NAA11: variants seen among roughly 807,000 people sequenced by gnomAD.
NAA11 encodes N-alpha-acetyltransferase 11.
Under a neutral mutation model 16.1 loss-of-function variants are expected in NAA11, and 15 were observed. The observed-to-expected ratio is 0.93, with a 90% confidence interval of 0.62 to 1.44. The LOEUF is 1.44. Ranked by LOEUF, NAA11 falls within the 40% of genes most tolerant of loss-of-function variation. NAA11 has a pLI of 0.00. For synonymous variants in NAA11, 122 were observed against 112.4 expected, an observed-to-expected ratio of 1.09 and a Z score of -0.54; for missense variants, 298 against 291.3, an observed-to-expected ratio of 1.02 and a Z score of -0.17.
At chr4:79,309,699 G>C (rs1181991013) in intron 1 of NAA11, among the ~76,000 whole-genome samples, 1 of 139,470 alleles carries the variant, frequency 7.2e-6, no homozygotes. Context: ...TATTCTATTG[G>C]TGTTTTTTTT....
intron 1 of NAA11, among the ~76,000 whole-genome samples, chr4:79,320,551 A>T (rs1297838863): frequency 2.6e-5 from 4 of 152,216 alleles, no homozygotes; most frequent in Admixed American, 2.0e-4. Flanking sequence ...CTCAACCACA[A>T]AATGGAGTAA....
At chr4:79,275,521 CA>C (rs1243781083) in intron 2 of NAA11, among the ~76,000 whole-genome samples, 1 of 151,978 alleles carries the variant, frequency 6.6e-6, no homozygotes, top group Non-Finnish European at 1.5e-5. Context: ...CTCACTCATT[CA>C]AAAAATGTAT....
the NAA11 span, among the ~76,000 whole-genome samples, chr4:79,171,461 C>A: frequency 2.0e-5 from 3 of 152,090 alleles, no homozygotes; most frequent in Non-Finnish European, 4.4e-5. Context: ...AAAATCTGTT[C>A]TTTATAAATT....
At chr4:79,208,181 TG>T in the NAA11 span, among the ~76,000 whole-genome samples, 1 of 152,140 alleles carries the variant, frequency 6.6e-6, no homozygotes, top group Non-Finnish European at 1.5e-5. Flanking sequence ...TGGAATAAGG[TG>T]GCCTGGTTTT....
the NAA11 span, among the ~76,000 whole-genome samples, chr4:79,181,669 T>C: frequency 3.3e-5 from 5 of 152,210 alleles, no homozygotes; most frequent in African/African-American, 9.7e-5. Flanking sequence ...TGCTGCTGAT[T>C]TGCAGCTTTG....
At chr4:79,210,684 C>T in the NAA11 span, among the ~76,000 whole-genome samples, 1 of 152,046 alleles carries the variant, frequency 6.6e-6, no homozygotes, top group Non-Finnish European at 1.5e-5. Flanking sequence ...ATATGTTAGA[C>T]ATCTTAATAT....
At chr4:79,197,349 G>A in the NAA11 span, among the ~76,000 whole-genome samples, 4 of 151,932 alleles carry the variant, frequency 2.6e-5, no homozygotes, top group African/African-American at 7.2e-5. Context: ...GACGTTTGCT[G>A]TAGTAGACAT....
chr4:79,314,195 AAC>A (rs1463468841), downstream of NAA11, among the ~76,000 whole-genome samples: 2 of 152,194 alleles, frequency 1.3e-5, no homozygotes, highest in African/African-American at 2.4e-5. Context: ...TTATTTTTAG[AAC>A]AGTTTTTACA....
the NAA11 span, among the ~76,000 whole-genome samples, chr4:79,174,745 T>C: frequency 6.6e-6 from 1 of 151,962 alleles, no homozygotes; most frequent in Admixed American, 6.6e-5. Flanking sequence ...TAAGGGAAAA[T>C]CACATTAGTC....
chr4:79,248,815 C>T (rs1409539174), intron 2 of NAA11, among the ~76,000 whole-genome samples: 1 of 152,158 alleles, frequency 6.6e-6, no homozygotes, highest in Non-Finnish European at 1.5e-5. Context: ...CCGCAGGAGA[C>T]TGGCACTGCA....
At chr4:79,321,984 GA>G (rs1304423892) in intron 1 of NAA11, among the ~76,000 whole-genome samples, 2 of 152,122 alleles carry the variant, frequency 1.3e-5, no homozygotes, top group African/African-American at 4.8e-5. Context: ...TGATACCATG[GA>G]GTAGGGTCCA....
chr4:79,261,800 GCT>G (rs1211306758), intron 2 of NAA11, among the ~76,000 whole-genome samples: 3 of 152,146 alleles, frequency 2.0e-5, no homozygotes, highest in Non-Finnish European at 4.4e-5. Flanking sequence ...TCTACAAAAT[GCT>G]CTCTGAAAAA....
chr4:79,165,944 AAAG>A, the NAA11 span, among the ~76,000 whole-genome samples: 5 of 128,400 alleles, frequency 3.9e-5, no homozygotes, highest in East Asian at 1.1e-3. Context: ...CAGAGCCTTT[AAAG>A]AAGGATGACT....
intron 2 of NAA11, chr4:79,226,402 G>A (rs1721313241): frequency 2.0e-5 from 3 of 151,442 alleles, no homozygotes; most frequent in Admixed American, 2.0e-4. Flanking sequence ...GTGACCATAT[G>A]CCCAGCTAAA....
chr4:79,157,898 A>AT, the NAA11 span, among the ~76,000 whole-genome samples: 13,588 of 125,974 alleles, frequency 0.11, 985 homozygotes, highest in Non-Finnish European at 0.14. Context: ...ATTGCTGATG[A>AT]TTTTTTTTTT....
the NAA11 span, among the ~76,000 whole-genome samples, chr4:79,219,847 A>G: frequency 6.6e-6 from 1 of 152,222 alleles, no homozygotes; most frequent in African/African-American, 2.4e-5. Context: ...CTACATAAGC[A>G]TAATAGTAGC....
intron 2 of NAA11, among the ~76,000 whole-genome samples, chr4:79,227,038 CCCA>C (rs767522002): frequency 3.3e-5 from 5 of 152,086 alleles, no homozygotes; most frequent in Non-Finnish European, 7.4e-5. Context: ...AGTTTACAGT[CCCA>C]CCAACAGTGT....
intron 1 of NAA11, among the ~76,000 whole-genome samples, chr4:79,294,386 C>T (rs1723162143): frequency 1.3e-5 from 2 of 152,140 alleles, no homozygotes; most frequent in African/African-American, 2.4e-5. Context: ...TTGTGGAGGG[C>T]ACATACTGAT....
downstream of NAA11, among the ~76,000 whole-genome samples, chr4:79,312,644 C>T: frequency 1.3e-5 from 1 of 75,892 alleles, no homozygotes; most frequent in Non-Finnish European, 2.4e-5. Flanking sequence ...GAGACTCCAT[C>T]TCAAAAAAAA....
Sources: gnomAD v4.1 joint callset for allele counts (sites outside exome capture counted in the v4.1 genomes callset) on GRCh38, gnomAD v4.1.1 for gene constraint, MANE v1.5 for transcripts, NCBI Gene and HGNC (gene_info 2026-07-23, HGNC 2026-07-21) for gene names.